Variants in LIMS1 observed in about 807,000 individuals in gnomAD.
LIMS1 encodes LIM zinc finger domain containing 1, also known as LIM and senescent cell antigen-like-containing domain protein 1.
In LIMS1, 18 loss-of-function variants were observed where a neutral mutation model predicts 44.1. The observed-to-expected ratio is 0.41, with a 90% confidence interval of 0.28 to 0.61. The LOEUF is 0.61. LIMS1 is among the 20% of genes least tolerant of loss of function. The pLI, the probability that LIMS1 is intolerant of heterozygous loss-of-function variation, is 0.32. For synonymous variants in LIMS1, 93 were observed against 149.1 expected (o/e 0.62, Z 2.74); for missense variants, 201 against 422.0 (o/e 0.48, Z 4.59).
At chr2:108,639,441 T>C (rs193178230) in intron 1 of LIMS1, among the ~76,000 whole-genome samples, 1 of 152,332 alleles carries the variant, frequency 6.6e-6, no homozygotes, top group Admixed American at 6.5e-5. Context: ...ATATATCATA[T>C]ATGTGTACAT....
intron 1 of LIMS1, among the ~76,000 whole-genome samples, chr2:108,652,887 C>G (rs1177973780): frequency 1.3e-5 from 2 of 152,140 alleles, no homozygotes; most frequent in Admixed American, 6.5e-5. Flanking sequence ...CCCCTCCCTC[C>G]CTGCCTCCTC....
intron 1 of LIMS1, among the ~76,000 whole-genome samples, chr2:108,558,967 G>A (rs1434544586): frequency 3.3e-5 from 5 of 152,174 alleles, no homozygotes; most frequent in Admixed American, 6.5e-5. Flanking sequence ...CACTGTGCCC[G>A]GCCAAGAACA....
chr2:108,681,580 T>C, intron 9 of LIMS1: 1 of 959,112 alleles, frequency 1.0e-6, no homozygotes, highest in Non-Finnish European at 1.2e-6. Context: ...ATTATAAGTG[T>C]TGTTTGATAT....
chr2:108,621,015 G>C (rs1417858159), intron 1 of LIMS1, among the ~76,000 whole-genome samples: 1 of 152,154 alleles, frequency 6.6e-6, no homozygotes, highest in Non-Finnish European at 1.5e-5. Flanking sequence ...TTTTAGTTCA[G>C]AGTGGTCCTG....
chr2:108,613,392 CTGTT>C (rs1687764740), intron 1 of LIMS1, among the ~76,000 whole-genome samples: 1 of 152,162 alleles, frequency 6.6e-6, no homozygotes, highest in South Asian at 2.1e-4. Flanking sequence ...TTCACCAGGT[CTGTT>C]TGTTGCTATG....
intron 1 of LIMS1, among the ~76,000 whole-genome samples, chr2:108,657,460 G>A (rs1186146853): frequency 6.6e-6 from 1 of 152,308 alleles, no homozygotes; most frequent in Non-Finnish European, 1.5e-5. Flanking sequence ...GAACAGCACT[G>A]AGAATGACCA....
chr2:108,614,217 C>T (rs1184342171), intron 1 of LIMS1, among the ~76,000 whole-genome samples: 2 of 152,234 alleles, frequency 1.3e-5, no homozygotes, highest in Admixed American at 1.3e-4. Flanking sequence ...ATGCCTCTGG[C>T]AGTCTCATCC....
intron 1 of LIMS1, among the ~76,000 whole-genome samples, chr2:108,580,134 A>G (rs1685829605): frequency 6.6e-6 from 1 of 152,234 alleles, no homozygotes; most frequent in Admixed American, 6.5e-5. Flanking sequence ...CCCAGAATTG[A>G]AGAATGGGCT....
intron 1 of LIMS1, chr2:108,607,154 T>G (rs995629562): frequency 2.0e-6 from 3 of 1,515,108 alleles, no homozygotes; most frequent in Admixed American, 2.0e-5. Context: ...TGCCCCTTCC[T>G]GCATGTGAGG....
chr2:108,552,955 A>T (rs958904340), intron 1 of LIMS1, among the ~76,000 whole-genome samples: 4 of 152,170 alleles, frequency 2.6e-5, no homozygotes, highest in African/African-American at 9.7e-5. Context: ...AAAATGAAGG[A>T]TATTAATCTG....
chr2:108,662,223 A>G, intron 2 of LIMS1: 1 of 1,611,944 alleles, frequency 6.2e-7, no homozygotes, highest in Non-Finnish European at 8.5e-7. Context: ...TTTGCCTGTG[A>G]CTTAGGAACG....
intron 1 of LIMS1, among the ~76,000 whole-genome samples, chr2:108,608,730 C>T (rs1395236059): frequency 1.3e-5 from 2 of 152,118 alleles, no homozygotes; most frequent in East Asian, 3.9e-4. Flanking sequence ...TTGAGAGAAG[C>T]AGGGTAGTAG....
chr2:108,622,973 ATTTTTTT>A (rs68115708), intron 1 of LIMS1, among the ~76,000 whole-genome samples: 4 of 123,128 alleles, frequency 3.2e-5, no homozygotes, highest in African/African-American at 1.1e-4. Flanking sequence ...AAACAACTAG[ATTTTTTT>A]TTTTTTTTTT....
chr2:108,611,612 G>C (rs1183652580), intron 1 of LIMS1, among the ~76,000 whole-genome samples: 1 of 152,062 alleles, frequency 6.6e-6, no homozygotes, highest in Non-Finnish European at 1.5e-5. Flanking sequence ...GGGTGCAGTA[G>C]CTCACGCCTG....
chr2:108,636,297 A>G (rs1363208990), intron 1 of LIMS1, among the ~76,000 whole-genome samples: 1 of 152,206 alleles, frequency 6.6e-6, no homozygotes, highest in African/African-American at 2.4e-5. Flanking sequence ...GGTACCCCCT[A>G]CATAGCTGAC....
chr2:108,538,139 G>T (rs951316584), intron 1 of LIMS1, among the ~76,000 whole-genome samples: 9 of 152,140 alleles, frequency 5.9e-5, no homozygotes, highest in Non-Finnish European at 1.3e-4. Flanking sequence ...CTGGACTGTT[G>T]CCACATTGTC....
chr2:108,645,482 T>A (rs1200323843), intron 1 of LIMS1, among the ~76,000 whole-genome samples: 1 of 151,836 alleles, frequency 6.6e-6, no homozygotes, highest in Non-Finnish European at 1.5e-5. Flanking sequence ...TTACAAGAAC[T>A]CCTGAAGGAA....
intron 2 of LIMS1, chr2:108,660,487 G>A: frequency 2.7e-6 from 1 of 364,190 alleles, no homozygotes; most frequent in Non-Finnish European, 5.3e-6. Flanking sequence ...AGGCTAGAGT[G>A]TAGTGGCATG....
chr2:108,602,752 C>T (rs757733141), intron 1 of LIMS1, among the ~76,000 whole-genome samples: 2 of 151,918 alleles, frequency 1.3e-5, no homozygotes, highest in Non-Finnish European at 2.9e-5. Context: ...AGATATTGAC[C>T]TGTAGTTTTC....
Sources: allele counts gnomAD v4.1 joint callset (sites outside exome capture counted in the v4.1 genomes callset), GRCh38; gene constraint gnomAD v4.1.1; transcripts MANE v1.5; gene names NCBI Gene and HGNC (gene_info 2026-07-23, HGNC 2026-07-21).